MCTP1: variants seen among roughly 807,000 people sequenced by gnomAD.
The protein encoded by MCTP1 is multiple C2 and transmembrane domain containing 1, also known as multiple C2 and transmembrane domain-containing protein 1.
MCTP1 carries 69 observed loss-of-function variants against 120.6 expected under a neutral mutation model. The ratio of observed to expected loss-of-function variants is 0.57; its 90% CI spans 0.47 to 0.70. MCTP1 has a LOEUF of 0.70. Ranked by LOEUF, MCTP1 falls within the 30% of genes least tolerant of loss-of-function variation. The pLI is 0.00. For missense variants in MCTP1, 1,203 were observed against 1,248.8 expected, an observed-to-expected ratio of 0.96 and a Z score of 0.55; for synonymous variants, 529 against 493.1, an observed-to-expected ratio of 1.07 and a Z score of -0.96.
intron 1 of MCTP1, among the ~76,000 whole-genome samples, chr5:95,104,622 A>C (rs1448124902): frequency 6.6e-6 from 1 of 152,178 alleles, no homozygotes; most frequent in Non-Finnish European, 1.5e-5. Flanking sequence ...CATATTTTAA[A>C]GCTTTATATT....
chr5:95,278,655 C>T (rs959769699), intron 1 of MCTP1, among the ~76,000 whole-genome samples: 2 of 152,094 alleles, frequency 1.3e-5, no homozygotes, highest in Non-Finnish European at 2.9e-5. Context: ...AAGCAAAGAA[C>T]TTTCTGTTTC....
intron 10 of MCTP1, among the ~76,000 whole-genome samples, chr5:94,903,478 C>T (rs1028302172): frequency 2.6e-5 from 4 of 152,250 alleles, no homozygotes; most frequent in African/African-American, 9.6e-5. Context: ...AGTTCACATT[C>T]TCTTCTCTTC....
intron 19 of MCTP1, among the ~76,000 whole-genome samples, chr5:94,726,844 A>G (rs1762229861): frequency 6.6e-6 from 1 of 152,156 alleles, no homozygotes; most frequent in Admixed American, 6.5e-5. Context: ...CGAGTCCCAT[A>G]TGGTATTTTT....
At chr5:95,180,653 A>G (rs963628547) in intron 1 of MCTP1, among the ~76,000 whole-genome samples, 1 of 151,904 alleles carries the variant, frequency 6.6e-6, no homozygotes, top group African/African-American at 2.4e-5. Context: ...AACTCCCTAT[A>G]TGATTCTCAA....
In MCTP1 at chr5:95,284,972, G is replaced by C. The variant is rs1301089701; in HGVS notation, c.-397C>G. Among the ~76,000 whole-genome samples the C allele has an allele frequency of 1.3e-5, 2 of 152,120 alleles. No homozygotes were observed. The highest frequency in any genetic ancestry group is 2.9e-5 in the Non-Finnish European group (2 of 68,020). On this transcript the variant is annotated 5_prime_UTR_variant, in exon 1 of 23. Transcript: ENST00000515393. This position sits in a 1 kb window ranked among gnomAD's most constrained non-coding sequence, Gnocchi z 5.2. ...CCGAGCTCGGGAAGCTGCACGCACC[G>C]GGGCGTGCGCGTCCAGCTGCGCCAG... is the stretch of plus-strand genomic sequence containing the variant.
chr5:95,089,571 TTAAA>T (rs1755691211), intron 1 of MCTP1, among the ~76,000 whole-genome samples: 1 of 152,182 alleles, frequency 6.6e-6, no homozygotes, highest in Non-Finnish European at 1.5e-5. Flanking sequence ...AGTTTTCTAT[TTAAA>T]TAGTGAGGAA....
At chr5:95,155,984 A>G (rs1745077078) in intron 1 of MCTP1, among the ~76,000 whole-genome samples, 1 of 152,236 alleles carries the variant, frequency 6.6e-6, no homozygotes, top group Non-Finnish European at 1.5e-5. Flanking sequence ...CCACATGGCT[A>G]GGACCTGAGG....
chr5:94,743,329 G>A (rs867953844), intron 19 of MCTP1, among the ~76,000 whole-genome samples: 70 of 136,010 alleles, frequency 5.1e-4, no homozygotes, highest in African/African-American at 1.6e-3. Flanking sequence ...AAAAAAAAAA[G>A]AGAGTCTATG....
intron 17 of MCTP1, among the ~76,000 whole-genome samples, chr5:94,800,823 C>A (rs997989320): frequency 2.6e-5 from 4 of 151,940 alleles, no homozygotes; most frequent in African/African-American, 9.7e-5. Context: ...GACAGAATTA[C>A]ATAGTAACTA....
chr5:94,963,781 A>G (rs1037145874), intron 2 of MCTP1, among the ~76,000 whole-genome samples: 4 of 151,604 alleles, frequency 2.6e-5, no homozygotes, highest in Non-Finnish European at 5.9e-5. Flanking sequence ...TATTTTGTTG[A>G]TTGTTTCCTT....
At chr5:94,808,840 A>G (rs1182798663) in intron 17 of MCTP1, among the ~76,000 whole-genome samples, 2 of 152,154 alleles carry the variant, frequency 1.3e-5, no homozygotes, top group Non-Finnish European at 2.9e-5. Flanking sequence ...AACTTTATTT[A>G]TTGGTGGTGT....
intron 7 of MCTP1, among the ~76,000 whole-genome samples, chr5:94,919,787 AT>A (rs1398638163): frequency 1.3e-5 from 2 of 152,202 alleles, no homozygotes; most frequent in Non-Finnish European, 2.9e-5. Context: ...ATTCCAGCGA[AT>A]TGCACCTGGA....
At chr5:94,728,722 A>C (rs1188397480) in intron 19 of MCTP1, among the ~76,000 whole-genome samples, 3 of 152,178 alleles carry the variant, frequency 2.0e-5, no homozygotes, top group Non-Finnish European at 4.4e-5. Flanking sequence ...CTTTCTTCCC[A>C]AACGGTAATA....
At chr5:94,970,586 G>T (rs545015876) in intron 2 of MCTP1, among the ~76,000 whole-genome samples, 2 of 152,052 alleles carry the variant, frequency 1.3e-5, no homozygotes, top group South Asian at 4.2e-4. Context: ...CCTTACTCCT[G>T]TCTCCTCCAG....
intron 1 of MCTP1, among the ~76,000 whole-genome samples, chr5:95,110,879 T>C (rs1439709494): frequency 6.6e-6 from 1 of 152,198 alleles, no homozygotes; most frequent in Non-Finnish European, 1.5e-5. Flanking sequence ...AAATTTCTAA[T>C]GTGAATTACA....
chr5:94,884,961 C>T (rs1368983989), intron 12 of MCTP1, among the ~76,000 whole-genome samples: 1 of 152,104 alleles, frequency 6.6e-6, no homozygotes, highest in Non-Finnish European at 1.5e-5. Flanking sequence ...TTCCAGACTA[C>T]GGGGCTGGCA....
chr5:95,260,805 C>T (rs909616088), intron 1 of MCTP1, among the ~76,000 whole-genome samples: 10 of 152,102 alleles, frequency 6.6e-5, no homozygotes, highest in Admixed American at 5.9e-4. Context: ...GAACAAATGA[C>T]CAGGTAATAA....
intron 17 of MCTP1, among the ~76,000 whole-genome samples, chr5:94,850,586 G>A (rs1472263309): frequency 6.6e-6 from 1 of 152,128 alleles, no homozygotes. Flanking sequence ...TGTAAAGACT[G>A]CACACTGCAC....
intron 1 of MCTP1, among the ~76,000 whole-genome samples, chr5:95,136,409 T>A (rs1179757552): frequency 1.3e-5 from 2 of 152,224 alleles, no homozygotes; most frequent in Non-Finnish European, 2.9e-5. Context: ...GATGAGATGT[T>A]AAGTTAAGCT....
Sources: gnomAD v4.1 joint callset for allele counts (sites outside exome capture counted in the v4.1 genomes callset) on GRCh38, gnomAD v4.1.1 for gene constraint, Gnocchi (gnomAD v3.1) non-coding constraint, MANE v1.5 for transcripts, NCBI Gene and HGNC (gene_info 2026-07-23, HGNC 2026-07-21) for gene names.